TAGLN2: variants seen among roughly 807,000 people sequenced by gnomAD.
The protein encoded by TAGLN2 is transgelin-2.
A neutral mutation model predicts 24.9 loss-of-function variants in TAGLN2; 14 were observed. The ratio of observed to expected loss-of-function variants is 0.56; its 90% CI spans 0.37 to 0.88. The LOEUF (loss-of-function observed/expected upper bound fraction) is 0.88, where lower values mean the gene tolerates loss of function less well. TAGLN2 is among the 40% of genes least tolerant of loss of function. TAGLN2 has a pLI of 0.00. For synonymous variants in TAGLN2, 77 were observed against 98.2 expected, an observed-to-expected ratio of 0.78 and a Z score of 1.28; for missense variants, 208 against 258.9, an observed-to-expected ratio of 0.80 and a Z score of 1.35.
chr1:159,919,361 C>T lies in TAGLN2; in HGVS notation c.371G>A (p.Cys124Tyr). Residue 124 changes from cysteine to tyrosine, a missense_variant, in exon 4 of 5, where the codon TGT becomes TAT. Cys to Tyr is a radical substitution (Grantham distance 194). Coordinates refer to ENST00000368097, the MANE Select transcript of TAGLN2 (RefSeq NM_003564.3). ...CAGATTCATCAGCGTCCGCTGCACA[C>T]AGGCCATGTTCTTTCCTGGGAAGGA... is the stretch of plus-strand genomic sequence containing the variant. ...VDLWEGKNMA[C>Y]VQRTLMNLGG... is the part of the protein sequence containing the mutation. The T allele has an allele frequency of 6.2e-7, 1 of 1,614,246 alleles. No homozygotes were observed.
intron 2 of TAGLN2, 167 bp from the exon 3 acceptor site, chr1:159,920,002 C>T: frequency 1.2e-6 from 1 of 823,860 alleles, no homozygotes; most frequent in South Asian, 1.6e-5. Flanking sequence ...TCTTGCCAGC[C>T]TCCTTCCTCC....
In TAGLN2 at chr1:159,920,557, G is replaced by C; in HGVS notation, c.-28-20C>G. 1.2e-6 allele frequency: 2 copies of C among 1,604,254 alleles called. No homozygotes were observed. The highest frequency in any genetic ancestry group is 1.7e-6 in the Non-Finnish European group (2 of 1,173,274). On this transcript the variant is annotated intron_variant, in intron 1 of 4. Transcript: ENST00000368097. ...GGGGAGCTAGGGAGAGGACACACCC[G>C]GGCTTTTGGTCAACACCTTGCAGCC... is the stretch of plus-strand genomic sequence containing the variant.
intron 1 of TAGLN2, among the ~76,000 whole-genome samples, chr1:159,924,334 G>A (rs1158324274): frequency 6.6e-6 from 1 of 152,176 alleles, no homozygotes; most frequent in Non-Finnish European, 1.5e-5. Flanking sequence ...GAGAAACTGG[G>A]AGGGGGCTAG....
intron 2 of TAGLN2, 35 bp from the exon 3 acceptor site, chr1:159,919,870 T>C (rs1165338991): frequency 2.5e-6 from 4 of 1,604,722 alleles, no homozygotes; most frequent in African/African-American, 1.3e-5. Context: ...AAGGTGAGAA[T>C]ATGCCTACCT....
chr1:159,923,559 C>A lies in TAGLN2; in HGVS notation c.-29+1891G>T. ...CTCTCCATCCACCGTGCAGATGGAA[C>A]ACAGGAGAACTTCCCAACTCAGATT... On this transcript the variant is annotated intron_variant, in intron 1 of 4. Transcript: ENST00000368097. 4 of 1,346,416 alleles carry A rather than the reference C, an allele frequency of 3.0e-6. No homozygotes were observed. The South Asian group carries it at 5.5e-5, about 19-fold the overall frequency. 83.4% of individuals were successfully genotyped at this position (1,346,416 alleles called of 1,614,324 possible).
chr1:159,923,373 G>A (rs1571205147), intron 1 of TAGLN2: 4 of 1,526,072 alleles, frequency 2.6e-6, no homozygotes, highest in East Asian at 2.5e-5. Context: ...TACAATAGGC[G>A]GGAAACGGGG....
At chr1:159,922,364 C>T (rs1650559422) in intron 1 of TAGLN2, among the ~76,000 whole-genome samples, 1 of 152,214 alleles carries the variant, frequency 6.6e-6, no homozygotes. Context: ...CTCCACTTCC[C>T]CCAGCCCGAA....
chr1:159,922,218 G>C (rs1223146023), intron 1 of TAGLN2, among the ~76,000 whole-genome samples: 1 of 151,352 alleles, frequency 6.6e-6, no homozygotes. Context: ...CGCAGAGGCT[G>C]TGTCTTGGGC....
chr1:159,920,622 T>C, intron 1 of TAGLN2, 85 bp from the exon 2 acceptor site: 2 of 1,511,174 alleles, frequency 1.3e-6, no homozygotes, highest in Admixed American at 2.1e-5. Flanking sequence ...TGCAGGGATA[T>C]ACACCATTTC....
intron 1 of TAGLN2, chr1:159,923,579 C>A: frequency 8.2e-7 from 1 of 1,212,400 alleles, no homozygotes. Flanking sequence ...CTTCCCAACT[C>A]AGATTTGGGA....
intron 2 of TAGLN2, 143 bp from the exon 3 acceptor site, chr1:159,919,978 A>T: frequency 1.1e-6 from 1 of 940,828 alleles, no homozygotes; most frequent in Non-Finnish European, 1.6e-6. Context: ...CACTAGAGTA[A>T]GCCTCACAGT....
intron 1 of TAGLN2, chr1:159,924,512 G>C (rs1373834327): frequency 6.6e-6 from 1 of 152,372 alleles, no homozygotes; most frequent in East Asian, 1.9e-4. Context: ...CAGGACACCG[G>C]CTTCAGGTAG....
Position 159,920,471 on chromosome 1 carries a change from C to G in TAGLN2, c.39G>C (p.Glu13Asp), listed in dbSNP as rs762661105. 6.2e-7 allele frequency: 1 copy of G among 1,614,262 alleles called. No individual in the cohort carries two copies. Among genetic ancestry groups the G allele is most frequent in the Non-Finnish European group, 8.5e-7 (1 of 1,180,050 alleles). The change falls in exon 2 of 5, where the codon GAG becomes GAC. Residue 13 changes from glutamate to aspartate, a missense_variant. Physicochemically the swap from Glu to Asp is conservative, Grantham distance 45. Transcript: ENST00000368097. ...NRGPAYGLSR[E>D]VQQKIEKQYD... is the part of the protein sequence containing the mutation. ...ATTGTTTCTCAATCTTCTGCTGCAC[C>G]TCCCGGCTCAGGCCATATGCAGGTC...
intron 3 of TAGLN2, 108 bp downstream of exon 3, chr1:159,919,553 T>TCTTTCTCTGCCTTTCTGG: frequency 7.0e-7 from 1 of 1,432,154 alleles, no homozygotes; most frequent in South Asian, 1.2e-5. Flanking sequence ...AACACACCCC[T>TCTTTCTCTGCCTTTCTGG]CTTTCTCTGC....
intron 1 of TAGLN2, among the ~76,000 whole-genome samples, chr1:159,922,320 T>C (rs1650557515): frequency 6.6e-6 from 1 of 152,162 alleles, no homozygotes; most frequent in South Asian, 2.1e-4. Flanking sequence ...CCTAAATCAG[T>C]TATTTTTAAA....
chr1:159,923,869 T>A (rs1296152386), intron 1 of TAGLN2, among the ~76,000 whole-genome samples: 1 of 152,182 alleles, frequency 6.6e-6, no homozygotes, highest in Non-Finnish European at 1.5e-5. Context: ...AGAAACACCC[T>A]GTCAACACAG....
At chr1:159,923,340 A>G (rs976132735) in intron 1 of TAGLN2, 4 of 1,403,170 alleles carry the variant, frequency 2.9e-6, no homozygotes, top group Non-Finnish European at 2.9e-6. Context: ...CTGTGAGAAC[A>G]ACCCTCACCC....
At chr1:159,923,479 G>GCCTT in intron 1 of TAGLN2, 1 of 1,549,800 alleles carries the variant, frequency 6.5e-7, no homozygotes, top group South Asian at 1.2e-5. Flanking sequence ...ATGGGTGGGG[G>GCCTT]CAGGGAGGAC....
intron 2 of TAGLN2, 105 bp from the exon 3 acceptor site, chr1:159,919,940 T>A (rs1458597337): frequency 7.5e-7 from 1 of 1,334,806 alleles, no homozygotes; most frequent in African/African-American, 1.5e-5. Context: ...GAGGCTCCTG[T>A]CTTGCCTGAA....
Sources: gnomAD v4.1 joint callset for allele counts (sites outside exome capture counted in the v4.1 genomes callset) on GRCh38, gnomAD v4.1.1 for gene constraint, MANE v1.5 for transcripts, NCBI Gene and HGNC (gene_info 2026-07-23, HGNC 2026-07-21) for gene names.